Variants in TGFBR3 observed in about 807,000 individuals in gnomAD.
TGFBR3 encodes transforming growth factor beta receptor 3, also known as transforming growth factor beta receptor type 3.
A neutral mutation model predicts 87.9 loss-of-function variants in TGFBR3; 46 were observed. That is an observed-to-expected ratio of 0.52 (90% CI 0.41 to 0.67). TGFBR3 has a LOEUF of 0.67. TGFBR3 is among the 30% of genes least tolerant of loss of function. TGFBR3 has a pLI of 0.00. For synonymous variants in TGFBR3, 381 were observed against 391.6 expected, an observed-to-expected ratio of 0.97 and a Z score of 0.32; for missense variants, 866 against 1,041.9, an observed-to-expected ratio of 0.83 and a Z score of 2.32.
chr1:91,685,325 T>C (rs1288799975), intron 16 of TGFBR3, among the ~76,000 whole-genome samples: 7 of 144,412 alleles, frequency 4.8e-5, no homozygotes, highest in Non-Finnish European at 1.1e-4. Flanking sequence ...CTTTTTTTTT[T>C]TTTTTTTTTT....
Position 91,712,325 on chromosome 1 carries a change from A to G in TGFBR3, c.2084T>C (p.Val695Ala). Residue 695 changes from valine to alanine, a missense_variant, in exon 13 of 17, where the codon GTC becomes GCC. By Grantham distance (64) the Val-to-Ala change is moderately conservative. Coordinates refer to ENST00000212355, the MANE Select transcript of TGFBR3 (RefSeq NM_003243.5). Reference sequence around the variant, plus strand: ...TAGAAAGAGCAGTGAGGTGTTGAAGACAGGCTTGAAGACAAAGCTGAATCG... The same window carrying G: ...TAGAAAGAGCAGTGAGGTGTTGAAGGCAGGCTTGAAGACAAAGCTGAATCG... Reference protein sequence around the residue: ...KKRFSFVFKPVFNTSLLFLQC... With the variant: ...KKRFSFVFKPAFNTSLLFLQC... 6.2e-7 allele frequency: 1 copy of G among 1,614,230 alleles called. No individual in the cohort carries two copies.
chr1:91,721,882 A>C, intron 8 of TGFBR3, 73 bp downstream of exon 8: 1 of 1,410,144 alleles, frequency 7.1e-7, no homozygotes, highest in South Asian at 1.2e-5. Context: ...TATAAGCTGA[A>C]ATGACAGTTC....
chr1:91,803,812 C>G (rs1675732507), intron 2 of TGFBR3, among the ~76,000 whole-genome samples: 1 of 152,042 alleles, frequency 6.6e-6, no homozygotes, highest in Non-Finnish European at 1.5e-5. Context: ...GCTCCCCAAA[C>G]CTCCCTCACT....
chr1:91,693,584 T>G (rs1671335767), intron 16 of TGFBR3, among the ~76,000 whole-genome samples: 1 of 152,220 alleles, frequency 6.6e-6, no homozygotes, highest in Non-Finnish European at 1.5e-5. Context: ...CAGTGGGGCA[T>G]GTTCCAGTAG....
rs1219893948 is a variant in TGFBR3, at chr1:91,895,283, T to TA, written c.-114+4353dup. Among the ~76,000 whole-genome samples the TA allele has an allele frequency of 4.6e-5, 7 of 152,280 alleles. No individual in the cohort carries two copies. The East Asian group carries it at 1.4e-3, about 29-fold the overall frequency. ...TGAGTTCTTGCGAGATCTAATCATC[T>TA]AAAAGTGTGCAGCATCTCTCCCCTC... On this transcript the variant is annotated intron_variant, in intron 2 of 17. Coordinates refer to the TGFBR3 transcript ENST00000370399.
intron 5 of TGFBR3, among the ~76,000 whole-genome samples, chr1:91,731,773 G>A (rs1672783314): frequency 6.6e-6 from 1 of 152,152 alleles, no homozygotes; most frequent in South Asian, 2.1e-4. Flanking sequence ...ATATGGTATA[G>A]GTTTCCTGAA....
At chr1:91,704,593 C>T (rs1671732349) in intron 14 of TGFBR3, among the ~76,000 whole-genome samples, 1 of 152,112 alleles carries the variant, frequency 6.6e-6, no homozygotes, top group Non-Finnish European at 1.5e-5. Context: ...TATAATAATC[C>T]ACATAAAGCA....
chr1:91,871,422 G>T (rs1331081601), intron 1 of TGFBR3, among the ~76,000 whole-genome samples: 1 of 152,054 alleles, frequency 6.6e-6, no homozygotes, highest in Non-Finnish European at 1.5e-5. Context: ...CAGGGAGGTG[G>T]GCACATAGCA....
At chr1:91,753,537 C>T (rs1274805406) in intron 4 of TGFBR3, among the ~76,000 whole-genome samples, 1 of 151,832 alleles carries the variant, frequency 6.6e-6, no homozygotes, top group Admixed American at 6.6e-5. Flanking sequence ...GTATATTCAC[C>T]ACTATGTAAT....
intron 2 of TGFBR3, among the ~76,000 whole-genome samples, chr1:91,806,768 A>T (rs977224063): frequency 3.3e-5 from 5 of 152,214 alleles, no homozygotes; most frequent in African/African-American, 1.2e-4. Flanking sequence ...ATTGGCTAAT[A>T]AGGTTTTTGT....
chr1:91,889,972 T>C (rs1016116232), upstream of TGFBR3, among the ~76,000 whole-genome samples: 2 of 152,188 alleles, frequency 1.3e-5, no homozygotes, highest in African/African-American at 4.8e-5. Context: ...GCCCAACCTC[T>C]TATTAATGGC....
intron 2 of TGFBR3, among the ~76,000 whole-genome samples, chr1:91,835,614 G>T (rs1158791427): frequency 1.3e-5 from 2 of 151,840 alleles, no homozygotes; most frequent in Non-Finnish European, 2.9e-5. Flanking sequence ...AGATCATGAG[G>T]TCAGGAGATC....
intron 3 of TGFBR3, among the ~76,000 whole-genome samples, chr1:91,780,574 T>TTTTTTTTA (rs869151412): frequency 6.8e-6 from 1 of 146,740 alleles, no homozygotes; most frequent in African/African-American, 2.6e-5. Context: ...TTTTTTTTTT[T>TTTTTTTTA]CTGACATGGA....
At chr1:91,701,849 A>G (rs569376129) in intron 14 of TGFBR3, among the ~76,000 whole-genome samples, 1 of 152,318 alleles carries the variant, frequency 6.6e-6, no homozygotes, top group African/African-American at 2.4e-5. Flanking sequence ...TGCAGGCCCC[A>G]TTTAAGACAG....
intron 2 of TGFBR3, among the ~76,000 whole-genome samples, chr1:91,844,117 A>G (rs972312631): frequency 2.0e-5 from 3 of 152,196 alleles, no homozygotes; most frequent in African/African-American, 7.2e-5. Context: ...ATTTTACTAC[A>G]TCTCTTGCTC....
At chr1:91,766,405 C>T (rs1674188732) in intron 3 of TGFBR3, 1 of 152,054 alleles carries the variant, frequency 6.6e-6, no homozygotes, top group African/African-American at 2.4e-5. Context: ...AGCCAGTATG[C>T]TCACATGTAT....
At chr1:91,807,347 A>G (rs1675870561) in intron 2 of TGFBR3, among the ~76,000 whole-genome samples, 1 of 152,212 alleles carries the variant, frequency 6.6e-6, no homozygotes, top group African/African-American at 2.4e-5. Flanking sequence ...ACTCTTAGGC[A>G]TATCTTATCA....
intron 10 of TGFBR3, 134 bp downstream of exon 10, chr1:91,719,178 G>T: frequency 8.4e-7 from 1 of 1,186,394 alleles, no homozygotes; most frequent in Non-Finnish European, 1.2e-6. Context: ...ATTTTGTTGA[G>T]AACTGACACT....
At chr1:91,904,248 T>A (rs941976766) in intron 1 of TGFBR3, among the ~76,000 whole-genome samples, 5 of 151,704 alleles carry the variant, frequency 3.3e-5, no homozygotes, top group African/African-American at 1.2e-4. Context: ...AGCACAGTGG[T>A]TAAAAGCATG....
Sources: allele counts gnomAD v4.1 joint callset (sites outside exome capture counted in the v4.1 genomes callset), GRCh38; gene constraint gnomAD v4.1.1; transcripts MANE v1.5; gene names NCBI Gene and HGNC (gene_info 2026-07-23, HGNC 2026-07-21).